Variants in DRC11 observed in about 807,000 individuals in gnomAD.
DRC11 encodes the protein dynein regulatory complex subunit 11, also known as IQ and AAA domain-containing protein 1.
At chr2:236,490,498 G>C in the DRC11 span, among the ~76,000 whole-genome samples, 5 of 152,150 alleles carry the variant, frequency 3.3e-5, no homozygotes, top group African/African-American at 1.2e-4. This position sits in a 1 kb window ranked among gnomAD's most constrained non-coding sequence, Gnocchi z 5.5. Flanking sequence ...TTTCAATAAT[G>C]CACTTGTCAA....
the DRC11 span, among the ~76,000 whole-genome samples, chr2:236,361,103 T>C: frequency 6.6e-6 from 1 of 152,180 alleles, no homozygotes; most frequent in Non-Finnish European, 1.5e-5. The surrounding 1 kb of genome is among the most constrained non-coding windows in gnomAD (Gnocchi z 5.7). Context: ...ATAAGGACTC[T>C]AAGGCAATTA....
At chr2:236,341,526 G>C in the DRC11 span, among the ~76,000 whole-genome samples, 1 of 152,198 alleles carries the variant, frequency 6.6e-6, no homozygotes, top group Non-Finnish European at 1.5e-5. Context: ...ACAGTGTGAG[G>C]GGAACAGGAG....
the DRC11 span, among the ~76,000 whole-genome samples, chr2:236,458,433 T>C: frequency 6.6e-6 from 1 of 152,170 alleles, no homozygotes; most frequent in African/African-American, 2.4e-5. Flanking sequence ...CAAGAACTAA[T>C]GTGAGAATTC....
the DRC11 span, among the ~76,000 whole-genome samples, chr2:236,341,528 G>C: frequency 6.6e-6 from 1 of 152,196 alleles, no homozygotes; most frequent in Non-Finnish European, 1.5e-5. Context: ...AGTGTGAGGG[G>C]AACAGGAGTG....
chr2:236,423,349 T>C, the DRC11 span, among the ~76,000 whole-genome samples: 2 of 151,332 alleles, frequency 1.3e-5, no homozygotes, highest in South Asian at 4.2e-4. Flanking sequence ...TCAAACAAAT[T>C]TACAAGAAAA....
chr2:236,467,852 C>T, the DRC11 span, among the ~76,000 whole-genome samples: 32 of 152,176 alleles, frequency 2.1e-4, no homozygotes, highest in African/African-American at 7.0e-4. Context: ...AAATTTTAAA[C>T]GAATTAGTTA....
the DRC11 span, among the ~76,000 whole-genome samples, chr2:236,434,749 T>G: frequency 6.6e-6 from 1 of 152,214 alleles, no homozygotes; most frequent in Non-Finnish European, 1.5e-5. The surrounding 1 kb of genome is among the most constrained non-coding windows in gnomAD (Gnocchi z 5.5). Context: ...TTAATGTTTC[T>G]CATGGCAATT....
At chr2:236,355,758 T>C in the DRC11 span, among the ~76,000 whole-genome samples, 25 of 152,314 alleles carry the variant, frequency 1.6e-4, no homozygotes, top group Admixed American at 7.8e-4. Context: ...TCTGTGTGTG[T>C]GTGTGTGTTT....
At chr2:236,391,960 C>T in the DRC11 span, 4 of 1,606,994 alleles carry the variant, frequency 2.5e-6, no homozygotes, top group South Asian at 1.1e-5. The surrounding 1 kb of genome is among the most constrained non-coding windows in gnomAD (Gnocchi z 4.5). Flanking sequence ...CCTCTGCAGG[C>T]TCCTTCCCCA....
chr2:236,452,791 C>T, the DRC11 span, among the ~76,000 whole-genome samples: 1 of 152,208 alleles, frequency 6.6e-6, no homozygotes, highest in Non-Finnish European at 1.5e-5. The surrounding 1 kb of genome is among the most constrained non-coding windows in gnomAD (Gnocchi z 4.7). Context: ...AAAGTATTAT[C>T]TCGAATTCTC....
At chr2:236,385,987 C>T in the DRC11 span, among the ~76,000 whole-genome samples, 28 of 146,236 alleles carry the variant, frequency 1.9e-4, no homozygotes, top group Non-Finnish European at 3.5e-4. Context: ...TATATTGAAC[C>T]AGCCTTGCAT....
At chr2:236,420,558 G>C in the DRC11 span, among the ~76,000 whole-genome samples, 1 of 152,110 alleles carries the variant, frequency 6.6e-6, no homozygotes, top group Non-Finnish European at 1.5e-5. This position sits in a 1 kb window ranked among gnomAD's most constrained non-coding sequence, Gnocchi z 4.8. Context: ...AAAGGCGAGA[G>C]GTGAAGCATG....
the DRC11 span, chr2:236,331,991 G>A: frequency 6.0e-6 from 1 of 166,912 alleles, no homozygotes; most frequent in Admixed American, 5.8e-5. This position sits in a 1 kb window ranked among gnomAD's most constrained non-coding sequence, Gnocchi z 4.8. Context: ...ATTTGGGTAA[G>A]TAGTTTAACT....
At chr2:236,400,156 T>C in the DRC11 span, among the ~76,000 whole-genome samples, 1 of 152,312 alleles carries the variant, frequency 6.6e-6, no homozygotes, top group East Asian at 1.9e-4. The surrounding 1 kb of genome is among the most constrained non-coding windows in gnomAD (Gnocchi z 7.9). Context: ...CTGTGCTGCT[T>C]GCCAGTTCTA....
chr2:236,350,631 AG>A, the DRC11 span, among the ~76,000 whole-genome samples: 1 of 152,196 alleles, frequency 6.6e-6, no homozygotes, highest in Non-Finnish European at 1.5e-5. The surrounding 1 kb of genome is among the most constrained non-coding windows in gnomAD (Gnocchi z 5.2). Context: ...TAAGTGCTGG[AG>A]GTGGGAGCGG....
chr2:236,390,703 C>T, the DRC11 span, among the ~76,000 whole-genome samples: 310 of 152,162 alleles, frequency 2.0e-3, 1 homozygote, highest in Middle Eastern at 3.4e-3. This position sits in a 1 kb window ranked among gnomAD's most constrained non-coding sequence, Gnocchi z 5.9. Context: ...GCTATTACTA[C>T]ACCACAAAAG....
At chr2:236,343,663 G>A in the DRC11 span, 197 of 1,230,178 alleles carry the variant, frequency 1.6e-4, no homozygotes, top group Non-Finnish European at 2.1e-4. The surrounding 1 kb of genome is among the most constrained non-coding windows in gnomAD (Gnocchi z 6.6). Context: ...GTGGGACCTG[G>A]TGGAGAACCC....
chr2:236,366,615 G>C, the DRC11 span, among the ~76,000 whole-genome samples: 2 of 152,256 alleles, frequency 1.3e-5, no homozygotes, highest in East Asian at 3.9e-4. Context: ...TGGGTGGGGT[G>C]CTTCCTGAGG....
the DRC11 span, among the ~76,000 whole-genome samples, chr2:236,357,277 A>G: frequency 1.2e-5 from 1 of 82,544 alleles, no homozygotes; most frequent in Non-Finnish European, 2.6e-5. Context: ...ATATACATAT[A>G]TTATATATTT....
Sources: allele counts gnomAD v4.1 joint callset (sites outside exome capture counted in the v4.1 genomes callset), GRCh38; gene constraint gnomAD v4.1.1; non-coding constraint Gnocchi (gnomAD v3.1); transcripts MANE v1.5; gene names NCBI Gene and HGNC (gene_info 2026-07-23, HGNC 2026-07-21).